Variants in ZNF362 observed in about 807,000 individuals in gnomAD.
The protein encoded by ZNF362 is zinc finger protein 362.
In ZNF362, 11 loss-of-function variants were observed where a neutral mutation model predicts 42.9. The ratio of observed to expected loss-of-function variants is 0.26; its 90% CI spans 0.16 to 0.42. The LOEUF (loss-of-function observed/expected upper bound fraction) is 0.42. Among genes scored for constraint, ZNF362 ranks in the 20% least tolerant of loss-of-function variants. The pLI, the probability that ZNF362 is intolerant of heterozygous loss-of-function variation, is 1.00. For missense variants in ZNF362, 362 were observed against 576.2 expected (o/e 0.63, Z 3.81); for synonymous variants, 255 against 257.3 (o/e 0.99, Z 0.09).
chr1:33,250,527 G>A, the ZNF362 span, among the ~76,000 whole-genome samples: 1 of 152,304 alleles, frequency 6.6e-6, no homozygotes, highest in East Asian at 1.9e-4. Flanking sequence ...GTAAGTGGGA[G>A]CTGAACAATG....
chr1:33,257,072 A>C (rs1645798188), intron 1 of ZNF362, among the ~76,000 whole-genome samples: 2 of 152,314 alleles, frequency 1.3e-5, no homozygotes, highest in Admixed American at 6.5e-5. Context: ...CCGGTGGAGC[A>C]GCCAGTGCCG....
At chr1:33,150,012 C>T in the ZNF362 span, among the ~76,000 whole-genome samples, 3 of 152,204 alleles carry the variant, frequency 2.0e-5, no homozygotes, top group Non-Finnish European at 4.4e-5. Context: ...GGGCTGGCCA[C>T]ACCGGCTTAG....
the ZNF362 span, among the ~76,000 whole-genome samples, chr1:33,152,580 A>G: frequency 2.0e-5 from 3 of 152,068 alleles, no homozygotes; most frequent in Non-Finnish European, 4.4e-5. Flanking sequence ...AAAGAAAAAA[A>G]AAAAAAAAAA....
At chr1:33,240,318 A>G in the ZNF362 span, among the ~76,000 whole-genome samples, 2 of 152,224 alleles carry the variant, frequency 1.3e-5, no homozygotes, top group African/African-American at 4.8e-5. Flanking sequence ...GCGCTTTTTA[A>G]GAATTTAAAA....
At chr1:33,148,561 T>C in the ZNF362 span, among the ~76,000 whole-genome samples, 33,785 of 152,056 alleles carry the variant, frequency 0.22, 3,843 homozygotes, top group East Asian at 0.3. Flanking sequence ...GGCTGCTTTG[T>C]TAGGTTTTCT....
In ZNF362 at chr1:33,276,422, G is replaced by A. The variant is rs377393924; in HGVS notation, c.177G>A (p.Pro59=). The A allele has an allele frequency of 3.8e-6, 6 of 1,581,526 alleles. No homozygotes were observed. The highest frequency in any genetic ancestry group is 1.8e-5 in the Admixed American group (1 of 56,404). ...AGAAGATCAGGCCGCCTCACCTGCC[G>A]CCCACGTCGGCCTCGTCGCAGCAGC... is the stretch of plus-strand genomic sequence containing the variant. The part of the protein sequence containing the change: ...MAEKIRPPHL[P]PTSASSQQPL... Residue 59 remains proline (P), a synonymous_variant, in exon 4 of 9, where the codon CCG becomes CCA. Transcript: ENST00000539719.
chr1:33,190,711 C>T, the ZNF362 span, among the ~76,000 whole-genome samples: 47 of 152,210 alleles, frequency 3.1e-4, no homozygotes, highest in Non-Finnish European at 1.3e-4. Context: ...CACAACCACC[C>T]TTCTGTATCA....
Position 33,299,084 on chromosome 1 carries a change from GAC to G in ZNF362, c.*42_*43del, listed in dbSNP as rs1302113503. 3 of 1,545,772 alleles carry G rather than the reference GAC, an allele frequency of 1.9e-6. No homozygotes were observed. The South Asian group carries it at 3.3e-5, about 17-fold the overall frequency. ...CGCCGCCCCACCCGGCCCACTGGCA[GAC>G]ACAGACCCAGGCAGCACCAGGCCCC... is the stretch of plus-strand genomic sequence containing the variant. On this transcript the variant is annotated 3_prime_UTR_variant, in exon 9 of 9. Coordinates refer to ENST00000539719, the MANE Select transcript of ZNF362 (RefSeq NM_152493.3).
intron 1 of ZNF362, among the ~76,000 whole-genome samples, chr1:33,267,867 A>G (rs1302224623): frequency 6.6e-6 from 1 of 152,234 alleles, no homozygotes; most frequent in Non-Finnish European, 1.5e-5. Flanking sequence ...TGGATGACCA[A>G]GAATGGGATC....
At chr1:33,264,635 C>T (rs1282702484) in intron 1 of ZNF362, among the ~76,000 whole-genome samples, 1 of 152,290 alleles carries the variant, frequency 6.6e-6, no homozygotes, top group African/African-American at 2.4e-5. Context: ...CACATTTCCC[C>T]TTTAAGGGTC....
the ZNF362 span, among the ~76,000 whole-genome samples, chr1:33,219,530 A>T: frequency 6.6e-6 from 1 of 152,226 alleles, no homozygotes; most frequent in Non-Finnish European, 1.5e-5. Context: ...AGCAGGGCCC[A>T]ACAGGAAGAT....
intron 1 of ZNF362, among the ~76,000 whole-genome samples, chr1:33,257,217 C>G (rs1343747534): frequency 6.6e-6 from 1 of 151,814 alleles, no homozygotes; most frequent in African/African-American, 2.4e-5. Context: ...GGAGAGGCGG[C>G]TGGAAGCAGA....
At chr1:33,187,881 T>C in the ZNF362 span, among the ~76,000 whole-genome samples, 1 of 152,220 alleles carries the variant, frequency 6.6e-6, no homozygotes, top group South Asian at 2.1e-4. Context: ...TCCAGACCTA[T>C]GTATTCTGAC....
the ZNF362 span, among the ~76,000 whole-genome samples, chr1:33,190,512 C>T: frequency 6.6e-6 from 1 of 152,170 alleles, no homozygotes; most frequent in South Asian, 2.1e-4. Flanking sequence ...CCTTCAGGAG[C>T]TCATTCTTTA....
At chr1:33,296,635 G>A (rs1646126339) in intron 8 of ZNF362, among the ~76,000 whole-genome samples, 1 of 134,298 alleles carries the variant, frequency 7.4e-6, no homozygotes, top group South Asian at 2.3e-4. Flanking sequence ...GGATGAGGAG[G>A]AGAAAGAGGG....
chr1:33,259,645 C>G (rs1414493345), intron 1 of ZNF362, among the ~76,000 whole-genome samples: 1 of 152,222 alleles, frequency 6.6e-6, no homozygotes, highest in Non-Finnish European at 1.5e-5. Context: ...CAATCCTTAG[C>G]TCACCCAGCC....
chr1:33,222,380 A>ACC, the ZNF362 span, among the ~76,000 whole-genome samples: 1 of 152,162 alleles, frequency 6.6e-6, no homozygotes, highest in Non-Finnish European at 1.5e-5. Context: ...TTTGCAGTGC[A>ACC]CCCTAGTCCA....
chr1:33,222,045 C>CGGT, the ZNF362 span, among the ~76,000 whole-genome samples: 41 of 152,182 alleles, frequency 2.7e-4, no homozygotes, highest in African/African-American at 9.9e-4. Flanking sequence ...AGGACAGTTA[C>CGGT]GGTGCCCAGT....
intron 6 of ZNF362, among the ~76,000 whole-genome samples, chr1:33,287,773 G>A (rs571358898): frequency 1.3e-5 from 2 of 152,286 alleles, no homozygotes; most frequent in Admixed American, 6.5e-5. Context: ...GAACTTCTGT[G>A]TGCCAGGTCC....
Sources: allele counts gnomAD v4.1 joint callset (sites outside exome capture counted in the v4.1 genomes callset), GRCh38; gene constraint gnomAD v4.1.1; transcripts MANE v1.5; gene names NCBI Gene and HGNC (gene_info 2026-07-23, HGNC 2026-07-21).